GPATCH2: variants seen among roughly 807,000 people sequenced by gnomAD.
GPATCH2 encodes G-patch domain containing 2.
In GPATCH2, 51 loss-of-function variants were observed where a neutral mutation model predicts 58.0. That is an observed-to-expected ratio of 0.88 (90% CI 0.70 to 1.11). The LOEUF is 1.11. Among genes scored for constraint, GPATCH2 ranks in the 50% most tolerant of loss-of-function variants. GPATCH2 has a pLI of 0.00. For synonymous variants in GPATCH2, 222 were observed against 218.5 expected, an observed-to-expected ratio of 1.02 and a Z score of -0.14; for missense variants, 625 against 652.2, an observed-to-expected ratio of 0.96 and a Z score of 0.45.
chr1:217,451,876 T>C (rs1659681417), intron 8 of GPATCH2, among the ~76,000 whole-genome samples: 1 of 152,214 alleles, frequency 6.6e-6, no homozygotes, highest in Non-Finnish European at 1.5e-5. Flanking sequence ...ATAATAAACA[T>C]TCTTACAGTT....
intron 5 of GPATCH2, among the ~76,000 whole-genome samples, chr1:217,515,296 C>A (rs1399019593): frequency 2.0e-5 from 3 of 152,054 alleles, no homozygotes; most frequent in East Asian, 2.0e-4. Flanking sequence ...CGGGGTTTCA[C>A]TGTGTTAGCC....
At chr1:217,484,763 A>G (rs1661383213) in intron 8 of GPATCH2, among the ~76,000 whole-genome samples, 1 of 150,496 alleles carries the variant, frequency 6.6e-6, no homozygotes, top group South Asian at 2.1e-4. Context: ...AGGTATAGGT[A>G]TATATAGGAT....
chr1:217,520,754 A>T (rs1026286086), intron 5 of GPATCH2, among the ~76,000 whole-genome samples: 2 of 152,212 alleles, frequency 1.3e-5, no homozygotes, highest in African/African-American at 4.8e-5. Flanking sequence ...ATCACAAAAG[A>T]TATATCAAAA....
chr1:217,493,791 GAAGT>G (rs1190214333), intron 7 of GPATCH2, among the ~76,000 whole-genome samples: 2 of 151,998 alleles, frequency 1.3e-5, no homozygotes, highest in African/African-American at 2.4e-5. Flanking sequence ...CAGATAGCTA[GAAGT>G]AAGATGATGA....
chr1:217,531,952 G>T (rs779575169), intron 5 of GPATCH2, among the ~76,000 whole-genome samples: 3 of 152,150 alleles, frequency 2.0e-5, no homozygotes, highest in Non-Finnish European at 4.4e-5. Flanking sequence ...TTCTTGAATT[G>T]TTTCACAGTA....
At chr1:217,623,639 C>T (rs1243149523) in intron 1 of GPATCH2, among the ~76,000 whole-genome samples, 4 of 152,152 alleles carry the variant, frequency 2.6e-5, no homozygotes, top group Non-Finnish European at 4.4e-5. Flanking sequence ...CGGTGGCTCA[C>T]GCCTGTAATC....
At chr1:217,516,647 G>A (rs779556451) in intron 5 of GPATCH2, among the ~76,000 whole-genome samples, 1 of 152,146 alleles carries the variant, frequency 6.6e-6, no homozygotes, top group Non-Finnish European at 1.5e-5. Flanking sequence ...TCTCATGGTG[G>A]ACCTGACACT....
Position 217,491,762 on chromosome 1 carries a change from G to A in GPATCH2, c.1207-12C>T. 1 of 1,181,358 alleles carries A rather than the reference G, an allele frequency of 8.5e-7. No individual in the cohort carries two copies. The highest frequency in any genetic ancestry group is 1.2e-6 in the Non-Finnish European group (1 of 821,360). 73.2% of individuals were successfully genotyped at this position (1,181,358 alleles called of 1,614,324 possible). On this transcript the variant is annotated splice_polypyrimidine_tract_variant and intron_variant, in intron 7 of 9. Transcript: ENST00000366935. ...CTCAGAAGCTGATGCTACACAAAGT[G>A]TTAAGACAAAGTCATAGAAACAAAA... is the stretch of plus-strand genomic sequence containing the variant.
At chr1:217,460,024 C>T (rs1380222038) in intron 8 of GPATCH2, among the ~76,000 whole-genome samples, 1 of 151,976 alleles carries the variant, frequency 6.6e-6, no homozygotes, top group Admixed American at 6.6e-5. Flanking sequence ...TTTTATTTTT[C>T]CATTTAATAC....
chr1:217,567,927 T>C (rs769959084), intron 5 of GPATCH2, among the ~76,000 whole-genome samples: 4 of 152,062 alleles, frequency 2.6e-5, no homozygotes, highest in Non-Finnish European at 5.9e-5. Flanking sequence ...CTATCCTGGC[T>C]AACATGGTGA....
chr1:217,623,686 G>A (rs1669312552), intron 1 of GPATCH2, among the ~76,000 whole-genome samples: 1 of 152,050 alleles, frequency 6.6e-6, no homozygotes, highest in African/African-American at 2.4e-5. Flanking sequence ...CAGATCACCT[G>A]AGGTCAGGAA....
intron 6 of GPATCH2, among the ~76,000 whole-genome samples, chr1:217,500,813 GTTC>G (rs1323174333): frequency 2.0e-5 from 3 of 151,802 alleles, no homozygotes; most frequent in Admixed American, 6.6e-5. Context: ...TGATCTGTTA[GTTC>G]TTCTTATTTT....
intron 5 of GPATCH2, among the ~76,000 whole-genome samples, chr1:217,572,400 G>A (rs1194971472): frequency 6.6e-6 from 1 of 152,166 alleles, no homozygotes; most frequent in East Asian, 1.9e-4. Context: ...TTTCCATAAA[G>A]CCTGGACACA....
chr1:217,578,717 T>C (rs563078007), intron 5 of GPATCH2, among the ~76,000 whole-genome samples: 29 of 152,276 alleles, frequency 1.9e-4, no homozygotes, highest in Non-Finnish European at 3.2e-4. Context: ...ATATTAAGCA[T>C]ACTTACTACA....
intron 5 of GPATCH2, among the ~76,000 whole-genome samples, chr1:217,605,731 T>A (rs1379445729): frequency 1.3e-5 from 2 of 152,218 alleles, no homozygotes; most frequent in Non-Finnish European, 2.9e-5. Context: ...AAATACTGAT[T>A]TTTTAGGATG....
intron 8 of GPATCH2, among the ~76,000 whole-genome samples, chr1:217,477,094 C>T (rs1276789829): frequency 1.3e-5 from 2 of 152,046 alleles, no homozygotes; most frequent in Non-Finnish European, 2.9e-5. Context: ...CTTTTCAGGG[C>T]CTAGCTCCTG....
At chr1:217,511,863 G>A (rs1272604991) in intron 6 of GPATCH2, among the ~76,000 whole-genome samples, 1 of 151,454 alleles carries the variant, frequency 6.6e-6, no homozygotes, top group Non-Finnish European at 1.5e-5. Flanking sequence ...AGCGTTGCCT[G>A]TATACTTATT....
At chr1:217,475,266 C>T (rs1380115688) in intron 8 of GPATCH2, among the ~76,000 whole-genome samples, 1 of 152,046 alleles carries the variant, frequency 6.6e-6, no homozygotes, top group Non-Finnish European at 1.5e-5. Context: ...TGGTGAAACC[C>T]CATCTCTACT....
chr1:217,518,843 C>A (rs774329259), intron 5 of GPATCH2, among the ~76,000 whole-genome samples: 1 of 152,222 alleles, frequency 6.6e-6, no homozygotes, highest in Admixed American at 6.5e-5. Context: ...AGTGCCCACA[C>A]TGACAAACAC....
Sources: gnomAD v4.1 joint callset for allele counts (sites outside exome capture counted in the v4.1 genomes callset) on GRCh38, gnomAD v4.1.1 for gene constraint, MANE v1.5 for transcripts, NCBI Gene and HGNC (gene_info 2026-07-23, HGNC 2026-07-21) for gene names.